The following FRMPD4 variants were observed in gnomAD, a reference collection of about 807,000 sequenced individuals.
FRMPD4 encodes the protein FERM and PDZ domain-containing protein 4.
FRMPD4 carries 22 observed loss-of-function variants against 94.1 expected under a neutral mutation model. The observed-to-expected ratio is 0.23, with a 90% CI of 0.17 to 0.33. The LOEUF (loss-of-function observed/expected upper bound fraction) is 0.33. FRMPD4 is among the 10% of genes least tolerant of loss of function. The pLI is 1.00. For missense variants in FRMPD4, 1,111 were observed against 1,339.9 expected, an observed-to-expected ratio of 0.83 and a Z score of 2.67; for synonymous variants, 631 against 548.6, an observed-to-expected ratio of 1.15 and a Z score of -2.10.
chrX:12,538,712 C>T (rs1280242098), intron 2 of FRMPD4, among the ~76,000 whole-genome samples: 1 of 112,097 alleles, frequency 8.9e-6, no homozygotes, highest in Non-Finnish European at 1.9e-5. Context: ...AGTGGGCCTC[C>T]AGCAAACTCC....
chrX:12,168,525 A>G (rs1363192438), intron 1 of FRMPD4, among the ~76,000 whole-genome samples: 1 of 110,994 alleles, frequency 9.0e-6, no homozygotes, highest in African/African-American at 3.3e-5. Context: ...TGTTTGAATC[A>G]GGGGAAACAT....
chrX:12,097,333 T>A, intron 3 of FRMPD4, among the ~76,000 whole-genome samples: 1 of 112,299 alleles, frequency 8.9e-6, no homozygotes, highest in Non-Finnish European at 1.9e-5. Context: ...GTTTAAAGCC[T>A]GGTAGGTGAA....
intron 3 of FRMPD4, among the ~76,000 whole-genome samples, chrX:11,902,040 C>T (rs998603842): frequency 8.9e-6 from 1 of 112,259 alleles, no homozygotes; most frequent in African/African-American, 3.2e-5. Flanking sequence ...TTTTCTCCCA[C>T]TCTGTGTGTT....
At chrX:12,363,723 A>G (rs759590571) in intron 1 of FRMPD4, among the ~76,000 whole-genome samples, 15 of 112,310 alleles carry the variant, frequency 1.3e-4, no homozygotes, top group Non-Finnish European at 2.4e-4. Flanking sequence ...TAAACAACTC[A>G]GACACCCTAC....
At chrX:12,451,045 C>T (rs1211109110) in intron 1 of FRMPD4, among the ~76,000 whole-genome samples, 1 of 110,403 alleles carries the variant, frequency 9.1e-6, no homozygotes, top group Non-Finnish European at 1.9e-5. Flanking sequence ...TCCTACTGCT[C>T]ATTCCACTTC....
At chrX:11,945,118 G>T (rs1336816483) in intron 3 of FRMPD4, among the ~76,000 whole-genome samples, 1 of 111,203 alleles carries the variant, frequency 9.0e-6, no homozygotes, top group African/African-American at 3.3e-5. Context: ...GGATTCCAGT[G>T]AACAACCAGG....
intron 1 of FRMPD4, among the ~76,000 whole-genome samples, chrX:12,312,239 CTTTTTTTTTTTT>C (rs200625685): frequency 8.1e-5 from 5 of 61,546 alleles, no homozygotes; most frequent in Non-Finnish European, 1.2e-4. Context: ...TGCTCCATTA[CTTTTTTTTTTTT>C]TTTTTTTTTT....
chrX:12,021,795 T>C (rs1182231266), intron 3 of FRMPD4, among the ~76,000 whole-genome samples: 1 of 112,128 alleles, frequency 8.9e-6, no homozygotes, highest in Non-Finnish European at 1.9e-5. Flanking sequence ...GCAGATATTT[T>C]CCTTGGAGCA....
intron 6 of FRMPD4, among the ~76,000 whole-genome samples, chrX:12,683,792 G>A (rs2059995470): frequency 8.9e-6 from 1 of 112,316 alleles, no homozygotes; most frequent in Admixed American, 9.4e-5. Context: ...GTCAGAATAT[G>A]TGGTAGTCCA....
At chrX:12,193,482 A>G (rs778938274) in intron 1 of FRMPD4, among the ~76,000 whole-genome samples, 5 of 109,107 alleles carry the variant, frequency 4.6e-5, no homozygotes, top group Admixed American at 1.0e-4. Flanking sequence ...ACAGGAGGAC[A>G]GAAGAGTAGT....
At chrX:12,454,880 C>A (rs183016942) in intron 1 of FRMPD4, among the ~76,000 whole-genome samples, 1 of 103,637 alleles carries the variant, frequency 9.6e-6, no homozygotes, top group Admixed American at 1.1e-4. Flanking sequence ...ACCTCATCAT[C>A]TTTTCAGTGA....
At chrX:12,602,700 G>A (rs767827714) in intron 2 of FRMPD4, among the ~76,000 whole-genome samples, 12 of 111,764 alleles carry the variant, frequency 1.1e-4, no homozygotes, top group Non-Finnish European at 2.1e-4. Context: ...GCTGATCTAG[G>A]CTTGGGGGCT....
At chrX:12,328,764 C>T (rs1192962388) in intron 1 of FRMPD4, among the ~76,000 whole-genome samples, 1 of 111,207 alleles carries the variant, frequency 9.0e-6, no homozygotes, top group Admixed American at 9.5e-5. Flanking sequence ...AGGTTGCTGC[C>T]CTCCACCCTA....
At chrX:12,430,601 G>T (rs1483250542) in intron 1 of FRMPD4, among the ~76,000 whole-genome samples, 3 of 111,758 alleles carry the variant, frequency 2.7e-5, no homozygotes, top group Admixed American at 9.5e-5. Context: ...TCATCTTAAC[G>T]CCTGGTTTTG....
At chrX:12,150,867 T>C (rs754496528) in intron 1 of FRMPD4, among the ~76,000 whole-genome samples, 17 of 111,438 alleles carry the variant, frequency 1.5e-4, no homozygotes, top group Admixed American at 4.8e-4. Flanking sequence ...TCATGGGAGT[T>C]TTTTTATACT....
chrX:12,524,867 G>C (rs1216194374), intron 2 of FRMPD4, among the ~76,000 whole-genome samples: 1 of 111,585 alleles, frequency 9.0e-6, no homozygotes, highest in Non-Finnish European at 1.9e-5. Flanking sequence ...CGCAATCCAT[G>C]GGACATATGC....
intron 4 of FRMPD4, among the ~76,000 whole-genome samples, chrX:12,646,883 T>C (rs1397430032): frequency 8.9e-6 from 1 of 112,377 alleles, no homozygotes; most frequent in Non-Finnish European, 1.9e-5. Context: ...CAAATACATG[T>C]TCAATCCTGG....
chrX:12,063,625 T>C (rs1601912075), intron 3 of FRMPD4, among the ~76,000 whole-genome samples: 1 of 112,456 alleles, frequency 8.9e-6, no homozygotes, highest in South Asian at 3.7e-4. Context: ...CAGTGGCACA[T>C]GCCTGTAGTC....
chrX:12,231,002 A>AGT (rs1555938178), intron 1 of FRMPD4, among the ~76,000 whole-genome samples: 3,712 of 49,266 alleles, frequency 0.075, 370 homozygotes, highest in Non-Finnish European at 0.092. Context: ...TAGTATATAT[A>AGT]ATATATAGTA....
Sources: gnomAD v4.1 joint callset for allele counts (sites outside exome capture counted in the v4.1 genomes callset) on GRCh38, gnomAD v4.1.1 for gene constraint, MANE v1.5 for transcripts, NCBI Gene and HGNC (gene_info 2026-07-23, HGNC 2026-07-21) for gene names.